The following HTT variants were observed in gnomAD, a reference collection of about 807,000 sequenced individuals.
HTT encodes the protein huntingtin.
Under a neutral mutation model 362.3 loss-of-function variants are expected in HTT, and 104 were observed. The observed-to-expected ratio is 0.29, with a 90% confidence interval of 0.24 to 0.34. The LOEUF (loss-of-function observed/expected upper bound fraction) is 0.34. HTT is among the 10% of genes least tolerant of loss of function. HTT has a pLI of 1.00. For synonymous variants in HTT, 1,577 were observed against 1,548.7 expected (o/e 1.02, Z -0.43); for missense variants, 3,301 against 3,928.6 (o/e 0.84, Z 4.27).
At chr4:3,233,084 C>T (rs1721340524) in intron 60 of HTT, 79 bp from the exon 61 acceptor site, 2 of 1,250,576 alleles carry the variant, frequency 1.6e-6, no homozygotes, top group Admixed American at 2.0e-5. Flanking sequence ...AGGGCAGCGC[C>T]CCCGCCTCGG....
chr4:3,186,675 G>A lies in HTT; in HGVS notation c.4945G>A (p.Val1649Ile). 2 of 1,613,636 alleles carry A rather than the reference G, an allele frequency of 1.2e-6. No homozygotes were observed. Among genetic ancestry groups the A allele is most frequent in the South Asian group, 1.1e-5 (1 of 91,058 alleles). ...EILAPSSLRPVDMLLRSMFVT... is the reference protein window; with the variant it reads ...EILAPSSLRPIDMLLRSMFVT... ...TTTGGCCCCTTCCTCCCTCCGTCCG[G>A]TAGACATGCTTTTACGGAGTATGTT... Residue 1649 changes from valine to isoleucine, a missense_variant, in exon 38 of 67, where the codon GTA becomes ATA. Val to Ile is a conservative substitution (Grantham distance 29). Transcript: ENST00000355072.
Position 3,187,867 on chromosome 4 carries a change from C to A in HTT, c.5206C>A (p.Pro1736Thr), listed in dbSNP as rs768757254. 1 of 1,608,280 alleles carries A rather than the reference C, an allele frequency of 6.2e-7. No homozygotes were observed. Among genetic ancestry groups the A allele is most frequent in the Non-Finnish European group, 8.5e-7 (1 of 1,175,326 alleles). ...TGAAGGGAAACAAATAAAGAATTTG[C>A]CAGAAGAAACATTTTCAAGGTATGC... Reference protein sequence around the residue: ...HSEGKQIKNLPEETFSRFLLQ... With the variant: ...HSEGKQIKNLTEETFSRFLLQ... The change falls in exon 39 of 67, where the codon CCA becomes ACA. Residue 1736 changes from proline (P) to threonine (T), a missense_variant. By Grantham distance (38) the Pro-to-Thr change is conservative. Coordinates refer to ENST00000355072, the MANE Select transcript of HTT (RefSeq NM_001388492.1).
chr4:3,214,705 GT>G (rs59535611), intron 50 of HTT, among the ~76,000 whole-genome samples: 21,040 of 152,140 alleles, frequency 0.14, 1,834 homozygotes, highest in African/African-American at 0.25. Flanking sequence ...ATGTTTTCAT[GT>G]TTCATAATTG....
intron 51 of HTT, among the ~76,000 whole-genome samples, chr4:3,217,039 ATAT>A (rs1432970268): frequency 6.6e-6 from 1 of 151,934 alleles, no homozygotes; most frequent in Non-Finnish European, 1.5e-5. Flanking sequence ...AAAAAAAAAA[ATAT>A]TAATAAAGCC....
chr4:3,236,969 G>C (rs1721567605), intron 64 of HTT, among the ~76,000 whole-genome samples: 1 of 152,268 alleles, frequency 6.6e-6, no homozygotes, highest in East Asian at 1.9e-4. Context: ...GGAGCCATTT[G>C]GCTTTTCTCA....
chr4:3,212,106 C>T lies in HTT; in HGVS notation c.6592C>T (p.Pro2198Ser), dbSNP rs1720185870. 2 of 1,613,796 alleles carry T rather than the reference C, an allele frequency of 1.2e-6. No individual in the cohort carries two copies. Among genetic ancestry groups the T allele is most frequent in the East Asian group, 4.5e-5 (2 of 44,872 alleles). The change falls in exon 48 of 67, where the codon CCG becomes TCG. Residue 2198 changes from proline (P) to serine (S), a missense_variant. Pro to Ser is a moderately conservative substitution (Grantham distance 74). This residue lies in a region of HTT where 220 missense variants were observed against 218.5 expected (regional missense o/e 1.01). Coordinates refer to ENST00000355072, the MANE Select transcript of HTT (RefSeq NM_001388492.1). ...CTTCCAGCCCGAGCTGCCTGCAGAGCCGGCGGCCTACTGGAGCAAGTTGAA... is the reference window on the plus strand; with the variant it reads ...CTTCCAGCCCGAGCTGCCTGCAGAGTCGGCGGCCTACTGGAGCAAGTTGAA... ...HVFQPELPAE[P>S]AAYWSKLNDL...
chr4:3,235,255 T>A, intron 61 of HTT, 29 bp from the exon 62 acceptor site: 1 of 1,489,200 alleles, frequency 6.7e-7, no homozygotes, highest in Non-Finnish European at 9.4e-7. Context: ...TGGGGGTGGC[T>A]GAGCCTGGAT....
chr4:3,219,205 A>G (rs1338119300), intron 52 of HTT, among the ~76,000 whole-genome samples: 7 of 151,808 alleles, frequency 4.6e-5, no homozygotes, highest in Admixed American at 4.6e-4. Context: ...TCTCGGCCCC[A>G]CTCTTGGTGC....
intron 29 of HTT, among the ~76,000 whole-genome samples, chr4:3,169,916 G>A (rs184760467): frequency 1.0e-3 from 157 of 152,312 alleles, no homozygotes; most frequent in Admixed American, 2.1e-3. Context: ...ATCTCTAGAA[G>A]TTTGATTTAG....
Position 3,127,582 on chromosome 4 carries a change from C to T in HTT, c.1721C>T (p.Thr574Ile). 6 of 1,611,620 alleles carry T rather than the reference C, an allele frequency of 3.7e-6. No individual in the cohort carries two copies. The highest frequency in any genetic ancestry group is 5.1e-6 in the Non-Finnish European group (6 of 1,177,922). Residue 574 changes from threonine (T) to isoleucine (I), a missense_variant, in exon 12 of 67, where the codon ACC becomes ATC. By Grantham distance (89) the Thr-to-Ile change is moderately conservative (BLOSUM62 -1). This residue lies in a region of HTT where 2,316 missense variants were observed against 2,658.5 expected (regional missense o/e 0.87). Coordinates refer to ENST00000355072, the MANE Select transcript of HTT (RefSeq NM_001388492.1). ...ACCGAAGGGCCTGATTCAGCTGTTA[C>T]CCCTTCAGACAGTTCTGAAATTGTA... ...TTTEGPDSAVTPSDSSEIVLD... is the reference protein window; with the variant it reads ...TTTEGPDSAVIPSDSSEIVLD...
intron 11 of HTT, among the ~76,000 whole-genome samples, chr4:3,126,420 A>C (rs1054205010): frequency 2.0e-5 from 3 of 152,200 alleles, no homozygotes; most frequent in Admixed American, 1.3e-4. Flanking sequence ...AACTGAAGGT[A>C]CTAATAACTG....
chr4:3,187,575 C>T (rs1718825941), intron 38 of HTT, 76 bp from the exon 39 acceptor site: 3 of 1,023,126 alleles, frequency 2.9e-6, no homozygotes, highest in Non-Finnish European at 4.5e-6. Flanking sequence ...TATTTTCTTT[C>T]ACAAAATTGG....
Position 3,228,294 on chromosome 4 carries a change from G to T in HTT, c.7849-321G>T, listed in dbSNP as rs998929772. ...TCACGTATTGGTTCCGTGTTTTGGG[G>T]ACTCCATTCAGATGTCACTTAGGAG... is the stretch of plus-strand genomic sequence containing the variant. On this transcript the variant is annotated intron_variant, in intron 57 of 66. Coordinates refer to ENST00000355072, the MANE Select transcript of HTT (RefSeq NM_001388492.1). This position sits in a 1 kb window ranked among gnomAD's most constrained non-coding sequence, Gnocchi z 4.3. Among the ~76,000 whole-genome samples the T allele has an allele frequency of 6.6e-5, 10 of 152,220 alleles. No individual in the cohort carries two copies. Among genetic ancestry groups the T allele is most frequent in the Admixed American group, 5.9e-4 (9 of 15,288 alleles).
chr4:3,209,984 G>A (rs910287270), intron 47 of HTT, 35 bp downstream of exon 47: 2 of 1,607,250 alleles, frequency 1.2e-6, no homozygotes, highest in Admixed American at 3.3e-5. Context: ...GGAATCCTCA[G>A]CTTTTCTTGT....
chr4:3,122,204 G>T (rs1715328192), intron 9 of HTT, among the ~76,000 whole-genome samples: 1 of 152,206 alleles, frequency 6.6e-6, no homozygotes, highest in African/African-American at 2.4e-5. Flanking sequence ...ATGCAGTGCT[G>T]CCCTGGAGCA....
intron 2 of HTT, among the ~76,000 whole-genome samples, chr4:3,095,798 T>A (rs1713827590): frequency 6.6e-6 from 1 of 151,570 alleles, no homozygotes; most frequent in African/African-American, 2.4e-5. Flanking sequence ...AAAAAGGAGA[T>A]TAGAATAATA....
intron 34 of HTT, 66 bp downstream of exon 34, chr4:3,177,453 T>C: frequency 9.2e-7 from 1 of 1,082,318 alleles, no homozygotes; most frequent in Non-Finnish European, 1.4e-6. Context: ...ATTTAGGTTA[T>C]TAAGTGAATG....
rs140366082 is a variant in HTT at position 3,134,774 on chromosome 4, G to C, written c.2633+234G>C. ...AGACAAGATCTTGCTCTGTCGCCCAGGCTTGAATGCAGTAGCACAATCATA... is the reference window on the plus strand; with the variant it reads ...AGACAAGATCTTGCTCTGTCGCCCACGCTTGAATGCAGTAGCACAATCATA... On this transcript the variant is annotated intron_variant, in intron 19 of 66. Transcript: ENST00000355072. Among the ~76,000 whole-genome samples, 244 of 152,178 alleles carry C rather than the reference G, an allele frequency of 1.6e-3. 2 individuals carry two copies. Among genetic ancestry groups the C allele is most frequent in the Admixed American group, 2.9e-3 (45 of 15,280 alleles).
Position 3,218,082 on chromosome 4 carries a change from C to T in HTT, c.7242+130C>T. 1 of 756,690 alleles carries T rather than the reference C, an allele frequency of 1.3e-6. No homozygotes were observed. Among genetic ancestry groups the T allele is most frequent in the Non-Finnish European group, 2.1e-6 (1 of 486,188 alleles). 46.9% of individuals were successfully genotyped at this position (756,690 alleles called of 1,614,324 possible). On this transcript the variant is annotated intron_variant, in intron 52 of 66. Transcript: ENST00000355072. This position sits in a 1 kb window ranked among gnomAD's most constrained non-coding sequence, Gnocchi z 4.4. ...AGGCTGCCTGCTGTGGTTCTGGTGC[C>T]CACTGTGGTTCTGGTGCCAGGCTGC...
Sources: allele counts gnomAD v4.1 joint callset (sites outside exome capture counted in the v4.1 genomes callset), GRCh38; gene constraint gnomAD v4.1.1; regional missense constraint gnomAD v4.1.1; non-coding constraint Gnocchi (gnomAD v3.1); transcripts MANE v1.5; gene names NCBI Gene and HGNC (gene_info 2026-07-23, HGNC 2026-07-21).